The following SAMD5 variants were observed in gnomAD, a reference collection of about 807,000 sequenced individuals.
The protein encoded by SAMD5 is sterile alpha motif domain-containing protein 5.
SAMD5 carries 13 observed loss-of-function variants against 11.3 expected under a neutral mutation model. The ratio of observed to expected loss-of-function variants is 1.15; its 90% confidence interval spans 0.75 to 1.83. The LOEUF is 1.83. Ranked by LOEUF, SAMD5 falls within the 40% of genes most tolerant of loss-of-function variation. The pLI is 0.00. For missense variants in SAMD5, 255 were observed against 239.1 expected, an observed-to-expected ratio of 1.07 and a Z score of -0.44; for synonymous variants, 129 against 111.3, an observed-to-expected ratio of 1.16 and a Z score of -1.00.
At chr6:147,867,517 C>A in the SAMD5 span, among the ~76,000 whole-genome samples, 1 of 152,006 alleles carries the variant, frequency 6.6e-6, no homozygotes, top group Non-Finnish European at 1.5e-5. Context: ...GGAATGATTT[C>A]TATTTTTGAA....
the SAMD5 span, among the ~76,000 whole-genome samples, chr6:147,763,906 T>G: frequency 6.6e-6 from 1 of 152,200 alleles, no homozygotes; most frequent in South Asian, 2.1e-4. Context: ...TAAAATATTG[T>G]TTATCTCGAT....
At chr6:147,590,651 G>A (rs1276517470) in intron 1 of SAMD5, among the ~76,000 whole-genome samples, 4 of 152,150 alleles carry the variant, frequency 2.6e-5, no homozygotes, top group Admixed American at 1.3e-4. Flanking sequence ...GAGTTCAAGT[G>A]ATCTGCCCGC....
At chr6:147,816,717 A>C in the SAMD5 span, among the ~76,000 whole-genome samples, 52 of 152,328 alleles carry the variant, frequency 3.4e-4, 2 homozygotes, top group South Asian at 9.7e-3. Context: ...AATTGAAAGA[A>C]GTCCTCCTTC....
intron 1 of SAMD5, among the ~76,000 whole-genome samples, chr6:147,640,101 G>A (rs1469783084): frequency 6.6e-6 from 1 of 152,056 alleles, no homozygotes; most frequent in Non-Finnish European, 1.5e-5. Context: ...GCTGAGGCGG[G>A]CAGATCACGA....
At chr6:147,842,204 TA>T in the SAMD5 span, among the ~76,000 whole-genome samples, 1 of 152,160 alleles carries the variant, frequency 6.6e-6, no homozygotes, top group African/African-American at 2.4e-5. Context: ...GTGACTCAGT[TA>T]TTTTCTCAGT....
chr6:147,734,477 G>A (rs1791762331), intron 1 of SAMD5, among the ~76,000 whole-genome samples: 1 of 152,092 alleles, frequency 6.6e-6, no homozygotes, highest in Non-Finnish European at 1.5e-5. Flanking sequence ...AGCATTCTGG[G>A]AGACCGAGGC....
At chr6:147,684,994 T>C (rs1790989045) in intron 1 of SAMD5, among the ~76,000 whole-genome samples, 1 of 152,156 alleles carries the variant, frequency 6.6e-6, no homozygotes, top group Admixed American at 6.5e-5. Context: ...GTTTTCTCTT[T>C]CTTTGTAAAA....
intron 1 of SAMD5, among the ~76,000 whole-genome samples, chr6:147,548,874 G>T (rs943878909): frequency 6.6e-5 from 10 of 151,994 alleles, no homozygotes; most frequent in Non-Finnish European, 2.9e-5. Context: ...TTCTTGCATT[G>T]CCCCTCCCTG....
chr6:147,853,823 A>C, the SAMD5 span, among the ~76,000 whole-genome samples: 1 of 152,186 alleles, frequency 6.6e-6, no homozygotes, highest in African/African-American at 2.4e-5. Flanking sequence ...AAGTTGAATA[A>C]GTAATATTAT....
chr6:147,732,924 T>C (rs1791739047), intron 1 of SAMD5, among the ~76,000 whole-genome samples: 1 of 152,218 alleles, frequency 6.6e-6, no homozygotes, highest in South Asian at 2.1e-4. Context: ...TGGTTGTAAA[T>C]TGTAATTTAA....
chr6:147,755,011 T>C, the SAMD5 span, among the ~76,000 whole-genome samples: 1 of 152,176 alleles, frequency 6.6e-6, no homozygotes, highest in Non-Finnish European at 1.5e-5. Flanking sequence ...CTCAGTTTTA[T>C]TCTTTTCGCT....
the SAMD5 span, among the ~76,000 whole-genome samples, chr6:147,950,802 C>T: frequency 6.6e-6 from 1 of 152,108 alleles, no homozygotes; most frequent in South Asian, 2.1e-4. Context: ...CCTCCTCACC[C>T]TCAATATTGC....
chr6:147,786,639 A>G, the SAMD5 span, among the ~76,000 whole-genome samples: 1 of 152,254 alleles, frequency 6.6e-6, no homozygotes, highest in Non-Finnish European at 1.5e-5. Flanking sequence ...TCTCAGGTGC[A>G]GAGAACAGCA....
intron 1 of SAMD5, among the ~76,000 whole-genome samples, chr6:147,677,705 T>C (rs1036987695): frequency 1.3e-5 from 2 of 151,860 alleles, no homozygotes; most frequent in African/African-American, 4.8e-5. Flanking sequence ...GGCGGGGGCT[T>C]GGGAGCAAGG....
At chr6:147,772,199 A>G in the SAMD5 span, among the ~76,000 whole-genome samples, 1 of 152,166 alleles carries the variant, frequency 6.6e-6, no homozygotes, top group Non-Finnish European at 1.5e-5. Flanking sequence ...AATATGCCAG[A>G]TAACTTAGGA....
the SAMD5 span, among the ~76,000 whole-genome samples, chr6:147,821,314 T>C: frequency 6.6e-6 from 1 of 152,222 alleles, no homozygotes; most frequent in Non-Finnish European, 1.5e-5. Flanking sequence ...TTTGTAAGAA[T>C]GGAAATACCA....
the SAMD5 span, among the ~76,000 whole-genome samples, chr6:147,877,887 ATAGATAGCTAGATAGATAGATAGC>A: frequency 1.3e-5 from 1 of 78,358 alleles, no homozygotes; most frequent in African/African-American, 3.9e-5. Context: ...CACACGATAG[ATAGATAGCTAGATAGATAGATAGC>A]TAGCTAGCTA....
Position 147,569,622 on chromosome 6 carries a change from A to G in SAMD5, c.*5166A>G. 1 of 985,322 alleles carries G rather than the reference A, an allele frequency of 1.0e-6. No individual in the cohort carries two copies. 61.0% of individuals were successfully genotyped at this position (985,322 alleles called of 1,614,324 possible). The stretch of plus-strand genomic sequence containing the variant: ...AGGGCAAAGTGGTATGTTGACTGGG[A>G]CAAACGTTAGAAATTGTATTGTTCA... On this transcript the variant is annotated 3_prime_UTR_variant, in exon 2 of 2. Coordinates refer to ENST00000367474, the MANE Select transcript of SAMD5 (RefSeq NM_001030060.3).
downstream of SAMD5, among the ~76,000 whole-genome samples, chr6:147,742,271 G>A (rs1433228558): frequency 6.6e-6 from 1 of 152,070 alleles, no homozygotes; most frequent in Non-Finnish European, 1.5e-5. Flanking sequence ...TGTTGTGTGT[G>A]TTTGTGTCTG....
Sources: allele counts gnomAD v4.1 joint callset (sites outside exome capture counted in the v4.1 genomes callset), GRCh38; gene constraint gnomAD v4.1.1; transcripts MANE v1.5; gene names NCBI Gene and HGNC (gene_info 2026-07-23, HGNC 2026-07-21).